The following IL1RAPL2 variants were observed in gnomAD, a reference collection of about 807,000 sequenced individuals.
The protein encoded by IL1RAPL2 is X-linked interleukin-1 receptor accessory protein-like 2.
IL1RAPL2 carries 3 observed loss-of-function variants against 44.1 expected under a neutral mutation model. The ratio of observed to expected loss-of-function variants is 0.07; its 90% confidence interval spans 0.03 to 0.18. The LOEUF (loss-of-function observed/expected upper bound fraction) is 0.18, where lower values mean the gene tolerates loss of function less well. Ranked by LOEUF, IL1RAPL2 falls within the 10% of genes least tolerant of loss-of-function variation. IL1RAPL2 has a pLI of 1.00. For synonymous variants in IL1RAPL2, 181 were observed against 178.8 expected (o/e 1.01, Z -0.10); for missense variants, 391 against 496.4 (o/e 0.79, Z 2.02).
chrX:104,603,534 T>C (rs1454244718), intron 1 of IL1RAPL2, among the ~76,000 whole-genome samples: 1 of 111,445 alleles, frequency 9.0e-6, no homozygotes, highest in Non-Finnish European at 1.9e-5. Context: ...TCTAACCCAA[T>C]GCAAGGAAGT....
At chrX:105,632,882 C>T (rs1411561956) in intron 6 of IL1RAPL2, among the ~76,000 whole-genome samples, 1 of 111,866 alleles carries the variant, frequency 8.9e-6, no homozygotes, top group Non-Finnish European at 1.9e-5. Flanking sequence ...AGGTGAGTTT[C>T]AGCCATACCC....
intron 5 of IL1RAPL2, among the ~76,000 whole-genome samples, chrX:105,271,366 GCCTACAGCGACAGTTTTATTT>G (rs1339379804): frequency 8.9e-6 from 1 of 112,150 alleles, no homozygotes; most frequent in Non-Finnish European, 1.9e-5. Flanking sequence ...TGCTAATGAT[GCCTACAGCGACAGTTTTATTT>G]CCCACAGCAT....
intron 6 of IL1RAPL2, among the ~76,000 whole-genome samples, chrX:105,646,366 TC>T (rs1258902301): frequency 8.9e-6 from 1 of 111,908 alleles, no homozygotes; most frequent in African/African-American, 3.3e-5. Flanking sequence ...ATATTCTTTT[TC>T]TTAATGGTTG....
intron 6 of IL1RAPL2, among the ~76,000 whole-genome samples, chrX:105,501,292 G>C (rs16984791): frequency 0.03 from 3,367 of 111,451 alleles, 127 homozygotes; most frequent in African/African-American, 0.1. Context: ...CTTTACTTTA[G>C]AAAACAACCT....
chrX:104,788,807 A>G (rs1171935703), intron 2 of IL1RAPL2, among the ~76,000 whole-genome samples: 6 of 111,639 alleles, frequency 5.4e-5, no homozygotes, highest in Non-Finnish European at 1.1e-4. Context: ...CATCATTGTA[A>G]TTACTTGCAA....
At chrX:105,582,712 A>G (rs1860840852) in intron 6 of IL1RAPL2, among the ~76,000 whole-genome samples, 1 of 108,688 alleles carries the variant, frequency 9.2e-6, no homozygotes, top group Non-Finnish European at 1.9e-5. Context: ...TTAAATCATT[A>G]GGGTATTAAA....
chrX:105,054,285 C>T (rs994628058), intron 2 of IL1RAPL2, among the ~76,000 whole-genome samples: 1 of 111,588 alleles, frequency 9.0e-6, no homozygotes, highest in South Asian at 3.8e-4. Context: ...AATGTGTAAA[C>T]TCCACACAGA....
intron 6 of IL1RAPL2, among the ~76,000 whole-genome samples, chrX:105,658,690 G>T (rs1218541842): frequency 9.1e-6 from 1 of 109,336 alleles, no homozygotes; most frequent in African/African-American, 3.3e-5. Flanking sequence ...CCGAGGTGTG[G>T]TGCCTCACGC....
intron 2 of IL1RAPL2, among the ~76,000 whole-genome samples, chrX:105,085,588 C>G (rs1224899449): frequency 8.9e-6 from 1 of 112,144 alleles, no homozygotes; most frequent in Non-Finnish European, 1.9e-5. Flanking sequence ...CATGTAAGCA[C>G]AGCCATTATG....
chrX:105,759,710 A>G (rs774287582), intron 10 of IL1RAPL2, among the ~76,000 whole-genome samples: 48 of 112,125 alleles, frequency 4.3e-4, no homozygotes, highest in African/African-American at 1.5e-3. Context: ...CTAATCTTCA[A>G]TTCTTTAATG....
At chrX:105,539,307 A>C (rs978953284) in intron 6 of IL1RAPL2, among the ~76,000 whole-genome samples, 1 of 111,619 alleles carries the variant, frequency 9.0e-6, no homozygotes, top group Non-Finnish European at 1.9e-5. Context: ...TAACAAAAAT[A>C]GGATGGTATA....
At chrX:105,168,873 C>A (rs2033396428) in intron 2 of IL1RAPL2, among the ~76,000 whole-genome samples, 1 of 110,499 alleles carries the variant, frequency 9.0e-6, no homozygotes, top group Admixed American at 9.6e-5. Flanking sequence ...CATAGACACG[C>A]CAGAATAATG....
chrX:104,743,639 T>C (rs1932129680), intron 2 of IL1RAPL2, among the ~76,000 whole-genome samples: 1 of 111,401 alleles, frequency 9.0e-6, no homozygotes, highest in Non-Finnish European at 1.9e-5. Flanking sequence ...AGCTTTTCTT[T>C]AGCCTGAGGT....
At chrX:105,038,964 T>A in intron 2 of IL1RAPL2, among the ~76,000 whole-genome samples, 1 of 111,643 alleles carries the variant, frequency 9.0e-6, no homozygotes, top group African/African-American at 3.3e-5. Context: ...ACAGGTAGTT[T>A]CAATAAGGGA....
intron 6 of IL1RAPL2, among the ~76,000 whole-genome samples, chrX:105,666,666 G>A (rs930932651): frequency 1.8e-5 from 2 of 111,940 alleles, no homozygotes; most frequent in Admixed American, 9.5e-5. Context: ...TAGACAACCA[G>A]TTAGACCAGA....
At chrX:105,038,318 C>A (rs2147757428) in intron 2 of IL1RAPL2, among the ~76,000 whole-genome samples, 1 of 112,032 alleles carries the variant, frequency 8.9e-6, no homozygotes, top group East Asian at 2.8e-4. Flanking sequence ...ACCATGTCTT[C>A]TTGTACCACC....
chrX:105,767,421 C>G lies in IL1RAPL2; in HGVS notation c.1821C>G (p.His607Gln). The G allele has an allele frequency of 8.3e-7, 1 of 1,210,902 alleles. No homozygotes were observed. Among genetic ancestry groups the G allele is most frequent in the Non-Finnish European group, 1.1e-6 (1 of 894,822 alleles). Reference protein sequence around the residue: ...VSSQADLPEFHPSDSMQIRHC... With the variant: ...VSSQADLPEFQPSDSMQIRHC... ...CTCAGGCTGATCTCCCTGAATTCCA[C>G]CCTTCAGATTCAATGCAAATCAGGC... The change falls in exon 11 of 11, where the codon CAC (histidine) becomes CAG (glutamine). Residue 607 changes from histidine to glutamine, a missense_variant. Coordinates refer to ENST00000372582, the MANE Select transcript of IL1RAPL2 (RefSeq NM_017416.2).
chrX:104,839,789 T>C (rs1381040366), intron 2 of IL1RAPL2, among the ~76,000 whole-genome samples: 2 of 112,072 alleles, frequency 1.8e-5, no homozygotes, highest in East Asian at 2.8e-4. Flanking sequence ...TATTCAGGGA[T>C]TTGACTTCTT....
chrX:105,614,233 G>A (rs2037357015), intron 6 of IL1RAPL2, among the ~76,000 whole-genome samples: 1 of 111,824 alleles, frequency 8.9e-6, no homozygotes, highest in Non-Finnish European at 1.9e-5. Flanking sequence ...AAGACTCGAT[G>A]TTGTTAAAAT....
Sources: allele counts gnomAD v4.1 joint callset (sites outside exome capture counted in the v4.1 genomes callset), GRCh38; gene constraint gnomAD v4.1.1; transcripts MANE v1.5; gene names NCBI Gene and HGNC (gene_info 2026-07-23, HGNC 2026-07-21).